TRDN: variants seen among roughly 807,000 people sequenced by gnomAD.
The protein encoded by TRDN is triadin in skeletal muscle.
A neutral mutation model predicts 149.7 loss-of-function variants in TRDN; 161 were observed. The ratio of observed to expected loss-of-function variants is 1.08; its 90% CI spans 0.95 to 1.23. TRDN has a LOEUF of 1.23. Among genes scored for constraint, TRDN ranks in the 50% most tolerant of loss-of-function variants. The pLI is 0.00. For synonymous variants in TRDN, 294 were observed against 250.5 expected (o/e 1.17, Z -1.64); for missense variants, 896 against 823.5 (o/e 1.09, Z -1.08).
intron 10 of TRDN, among the ~76,000 whole-genome samples, chr6:123,459,172 G>T (rs1391255023): frequency 1.3e-5 from 2 of 152,124 alleles, no homozygotes; most frequent in Non-Finnish European, 2.9e-5. Context: ...TACCACTTAT[G>T]TGGATCAAGC....
At chr6:123,623,534 A>G (rs564009691) in intron 1 of TRDN, among the ~76,000 whole-genome samples, 213 of 152,064 alleles carry the variant, frequency 1.4e-3, no homozygotes, top group Middle Eastern at 3.4e-3. Flanking sequence ...GTTGCAACAA[A>G]TTTTTCCACC....
chr6:123,433,159 TATA>T lies in TRDN; in HGVS notation c.1051+4901_1051+4903del, dbSNP rs1302782964. ...CACATCATAAATATATATATATATA[TATA>T]ATATATATATATATATATATACATC... is the stretch of plus-strand genomic sequence containing the variant. On this transcript the variant is annotated intron_variant, in intron 12 of 40. Transcript: ENST00000334268. Among the ~76,000 whole-genome samples, 521 of 58,050 alleles carry T rather than the reference TATA, an allele frequency of 9.0e-3. 20 individuals are homozygous for T. The highest frequency in any genetic ancestry group is 0.029 in the African/African-American group (404 of 13,856). The allele number at this position is 58,050 out of a possible 152,430, so 38.1% of individuals were successfully genotyped here. A position where few individuals can be genotyped will look rare whatever the true frequency, so the allele number is the denominator to read the frequency against.
At chr6:123,552,686 T>C (rs925151965) in intron 2 of TRDN, among the ~76,000 whole-genome samples, 2 of 152,188 alleles carry the variant, frequency 1.3e-5, no homozygotes, top group Non-Finnish European at 2.9e-5. Flanking sequence ...ATTTAAACTC[T>C]GCCTGAAAAT....
At chr6:123,582,553 TTGAGCCAGGA>T (rs1783182533) in intron 1 of TRDN, among the ~76,000 whole-genome samples, 1 of 151,818 alleles carries the variant, frequency 6.6e-6, no homozygotes, top group Non-Finnish European at 1.5e-5. Context: ...GGGGGCGCTT[TTGAGCCAGGA>T]TGAGCCAGGA....
At chr6:123,290,583 G>T (rs1777969394) in intron 24 of TRDN, among the ~76,000 whole-genome samples, 1 of 152,068 alleles carries the variant, frequency 6.6e-6, no homozygotes, top group African/African-American at 2.4e-5. Context: ...AGATAAAACT[G>T]TTAAAAGTGA....
intron 1 of TRDN, among the ~76,000 whole-genome samples, chr6:123,611,721 A>T (rs1208469234): frequency 6.6e-6 from 1 of 152,178 alleles, no homozygotes; most frequent in Admixed American, 6.6e-5. Context: ...CTGACTCTTC[A>T]TACAATTTTT....
At position 123,378,424 on chromosome 6, in the gene TRDN, C is replaced by A. The variant is rs80128735; in HGVS notation, c.1187-526G>T. Among the ~76,000 whole-genome samples the A allele has an allele frequency of 2.9e-3, 444 of 151,514 alleles. 12 individuals carry two copies. The East Asian group carries it at 0.073, about 25-fold the overall frequency. On this transcript the variant is annotated intron_variant, in intron 16 of 40. Coordinates refer to ENST00000334268, the MANE Select transcript of TRDN (RefSeq NM_006073.4). ...CCTCCCAGGTAGCTGGGATTACAGGCACACACCACCATGTGTAGCCAGATT... is the reference window on the plus strand; with the variant it reads ...CCTCCCAGGTAGCTGGGATTACAGGAACACACCACCATGTGTAGCCAGATT...
chr6:123,472,490 C>T (rs922273149), intron 9 of TRDN, among the ~76,000 whole-genome samples: 1 of 152,210 alleles, frequency 6.6e-6, no homozygotes, highest in African/African-American at 2.4e-5. Context: ...TGTAAGGCGG[C>T]AGCAAGGCTG....
chr6:123,478,926 T>C (rs1429479466), intron 9 of TRDN, among the ~76,000 whole-genome samples: 1 of 152,212 alleles, frequency 6.6e-6, no homozygotes, highest in Non-Finnish European at 1.5e-5. Flanking sequence ...TTTGTTTATT[T>C]ACAAGTTTGT....
chr6:123,547,395 AC>A lies in TRDN; in HGVS notation c.392-24del, dbSNP rs1484000140. On this transcript the variant is annotated intron_variant, in intron 3 of 40. Coordinates refer to ENST00000334268, the MANE Select transcript of TRDN (RefSeq NM_006073.4). The stretch of plus-strand genomic sequence containing the variant: ...CTCCTAGACCAAGATTAAAAGAAAA[AC>A]AAAGTTAGAAAATATTTTAGCATAG... The A allele has an allele frequency of 4.4e-6, 6 of 1,368,806 alleles. No homozygotes were observed. The Admixed American group carries it at 1.2e-4, about 28-fold the overall frequency. 84.8% of individuals were successfully genotyped at this position (1,368,806 alleles called of 1,614,324 possible).
At chr6:123,557,373 TA>T (rs1386472858) in intron 2 of TRDN, among the ~76,000 whole-genome samples, 2 of 152,124 alleles carry the variant, frequency 1.3e-5, no homozygotes, top group African/African-American at 4.8e-5. Context: ...GTCCTCAGAC[TA>T]ACCAGCCCAA....
At chr6:123,530,961 G>A (rs1311814464) in intron 4 of TRDN, among the ~76,000 whole-genome samples, 1 of 151,786 alleles carries the variant, frequency 6.6e-6, no homozygotes, top group Non-Finnish European at 1.5e-5. Flanking sequence ...ATTAAATTAA[G>A]AATTTGTGAA....
intron 22 of TRDN, among the ~76,000 whole-genome samples, chr6:123,332,530 C>T (rs1340737202): frequency 1.3e-5 from 2 of 152,052 alleles, no homozygotes; most frequent in African/African-American, 2.4e-5. Context: ...ACCTTCCAAA[C>T]ACATCTTCAG....
intron 35 of TRDN, 61 bp downstream of exon 35, chr6:123,259,563 T>G: frequency 8.5e-7 from 1 of 1,182,862 alleles, no homozygotes; most frequent in Non-Finnish European, 1.2e-6. Flanking sequence ...TATAAATTTG[T>G]TTTTTGTTCC....
chr6:123,472,875 C>T lies in TRDN; in HGVS notation c.854-7892G>A, dbSNP rs989689385. Among the ~76,000 whole-genome samples, 47 of 152,274 alleles carry T rather than the reference C, an allele frequency of 3.1e-4. 1 individual carries two copies. Among genetic ancestry groups the T allele is most frequent in the African/African-American group, 1.1e-3 (46 of 41,560 alleles). Reference sequence around the variant, plus strand: ...GCAGGGTATTCCAACAGACCTGCAGCTGAGGGTCCTGTCTGTTAGAAGGAA... The same window carrying T: ...GCAGGGTATTCCAACAGACCTGCAGTTGAGGGTCCTGTCTGTTAGAAGGAA... On this transcript the variant is annotated intron_variant, in intron 9 of 40. Transcript: ENST00000334268.
At position 123,455,854 on chromosome 6, in the gene TRDN, T is replaced by C. The variant is rs1431824395; in HGVS notation, c.931+9052A>G. ...CTTACATAAAATTACTGTTTCCATATTTTATCTATATGTTTTTCTACATTT... is the reference window on the plus strand; with the variant it reads ...CTTACATAAAATTACTGTTTCCATACTTTATCTATATGTTTTTCTACATTT... On this transcript the variant is annotated intron_variant, in intron 10 of 40. Transcript: ENST00000334268. 3.9e-5 allele frequency among the ~76,000 whole-genome samples: 6 copies of C among 152,210 alleles called. No individual in the cohort carries two copies. In the East Asian group the frequency reaches 1.2e-3, roughly 29 times the overall value.
At chr6:123,561,368 A>G (rs1781986417) in intron 2 of TRDN, among the ~76,000 whole-genome samples, 1 of 152,224 alleles carries the variant, frequency 6.6e-6, no homozygotes, top group African/African-American at 2.4e-5. Context: ...AAAGGACTGG[A>G]CAATACTTTT....
chr6:123,485,204 A>C (rs1338371452), intron 9 of TRDN, among the ~76,000 whole-genome samples: 2 of 152,136 alleles, frequency 1.3e-5, no homozygotes, highest in African/African-American at 4.8e-5. Flanking sequence ...CTAATTCTGT[A>C]TGCTGCCTGC....
chr6:123,537,096 A>G (rs923567969), intron 4 of TRDN, among the ~76,000 whole-genome samples: 5 of 152,172 alleles, frequency 3.3e-5, no homozygotes, highest in Admixed American at 2.6e-4. Flanking sequence ...ATAAGTAAGT[A>G]TATTATGCCT....
Sources: allele counts gnomAD v4.1 joint callset (sites outside exome capture counted in the v4.1 genomes callset), GRCh38; gene constraint gnomAD v4.1.1; transcripts MANE v1.5; gene names NCBI Gene and HGNC (gene_info 2026-07-23, HGNC 2026-07-21).